CEP128: variants seen among roughly 807,000 people sequenced by gnomAD.
CEP128 encodes centrosomal protein 128.
CEP128 carries 132 observed loss-of-function variants against 156.7 expected under a neutral mutation model. The ratio of observed to expected loss-of-function variants is 0.84; its 90% CI spans 0.73 to 0.97. CEP128 has a LOEUF of 0.97. CEP128 is among the 50% of genes least tolerant of loss of function. The pLI, the probability that CEP128 is intolerant of heterozygous loss-of-function variation, is 0.00. For missense variants in CEP128, 1,252 were observed against 1,281.9 expected (o/e 0.98, Z 0.36); for synonymous variants, 469 against 448.9 (o/e 1.04, Z -0.57).
intron 16 of CEP128, among the ~76,000 whole-genome samples, chr14:80,775,783 C>T (rs1900754296): frequency 6.6e-6 from 1 of 152,256 alleles, no homozygotes; most frequent in Admixed American, 6.5e-5. Flanking sequence ...CGTGATAACA[C>T]ATGCATCTGA....
At chr14:80,890,939 C>T (rs1372380030) in intron 8 of CEP128, among the ~76,000 whole-genome samples, 1 of 151,934 alleles carries the variant, frequency 6.6e-6, no homozygotes, top group East Asian at 1.9e-4. Flanking sequence ...AACAGGTATA[C>T]AAAAAGGTGC....
chr14:80,805,429 T>C (rs1355382089), intron 13 of CEP128, among the ~76,000 whole-genome samples: 2 of 152,146 alleles, frequency 1.3e-5, no homozygotes, highest in Non-Finnish European at 2.9e-5. Context: ...CCTGGAAGCC[T>C]AAGCAGGGCC....
intron 8 of CEP128, among the ~76,000 whole-genome samples, chr14:80,864,571 T>C (rs1321559359): frequency 6.6e-6 from 1 of 152,102 alleles, no homozygotes; most frequent in East Asian, 1.9e-4. Context: ...ATTTTTTTTT[T>C]TTTTTGAGAC....
At chr14:80,696,476 T>C (rs982806779) in intron 19 of CEP128, among the ~76,000 whole-genome samples, 1 of 152,242 alleles carries the variant, frequency 6.6e-6, no homozygotes, top group Admixed American at 6.5e-5. Flanking sequence ...AATCTCTATT[T>C]AGGAAACAAC....
chr14:80,492,206 G>A (rs921803365), downstream of CEP128, among the ~76,000 whole-genome samples: 2 of 152,160 alleles, frequency 1.3e-5, no homozygotes, highest in Admixed American at 1.3e-4. Flanking sequence ...TGATGAAGGT[G>A]ATATGAATAG....
rs538857486 is a variant in CEP128, at chr14:80,849,108, G to A, written c.763-8340C>T. On this transcript the variant is annotated intron_variant, in intron 9 of 24. Coordinates refer to ENST00000555265, the MANE Select transcript of CEP128 (RefSeq NM_152446.5). ...AAAAAAATATTTTTTAAATAGAGCT[G>A]ACAAAATTTAATGATAGACTTGGTG... Among the ~76,000 whole-genome samples the A allele has an allele frequency of 6.6e-5, 10 of 152,220 alleles. No individual in the cohort carries two copies. The South Asian group carries it at 1.2e-3, about 19-fold the overall frequency.
intron 23 of CEP128, among the ~76,000 whole-genome samples, chr14:80,517,138 T>C (rs1040828840): frequency 2.6e-5 from 4 of 152,112 alleles, no homozygotes; most frequent in African/African-American, 9.7e-5. Flanking sequence ...CTTTTTTTTT[T>C]CCTAATCAGT....
downstream of CEP128, among the ~76,000 whole-genome samples, chr14:80,488,650 T>C (rs1185961904): frequency 2.0e-5 from 3 of 152,026 alleles, no homozygotes; most frequent in Non-Finnish European, 4.4e-5. Flanking sequence ...ACCCAAAGGA[T>C]TATAAACCAT....
intron 12 of CEP128, among the ~76,000 whole-genome samples, chr14:80,832,084 G>C (rs111497614): frequency 0.12 from 18,530 of 152,128 alleles, 1,592 homozygotes; most frequent in East Asian, 0.45. Flanking sequence ...TTTTATAAAG[G>C]AGAGTTCCCC....
At chr14:80,497,686 G>A (rs1033313480) in intron 24 of CEP128, 104 bp from the exon 25 acceptor site, 6 of 709,932 alleles carry the variant, frequency 8.5e-6, no homozygotes, top group Admixed American at 5.6e-5. Flanking sequence ...GTATTTGATC[G>A]AGTTTTCTAT....
chr14:80,520,387 C>G (rs1478039362), intron 23 of CEP128, among the ~76,000 whole-genome samples: 1 of 151,832 alleles, frequency 6.6e-6, no homozygotes, highest in African/African-American at 2.4e-5. Flanking sequence ...CCACTGCACT[C>G]CAGCCTGGGT....
At chr14:80,861,498 A>C (rs1017233380) in intron 9 of CEP128, among the ~76,000 whole-genome samples, 1 of 152,092 alleles carries the variant, frequency 6.6e-6, no homozygotes, top group Non-Finnish European at 1.5e-5. Flanking sequence ...CATAACTCCA[A>C]TTATCTGAGT....
intron 19 of CEP128, among the ~76,000 whole-genome samples, chr14:80,647,061 A>AGCG (rs1894680908): frequency 1.6e-5 from 1 of 60,796 alleles, no homozygotes; most frequent in Non-Finnish European, 3.2e-5. Flanking sequence ...ATATATATAT[A>AGCG]TATATATATA....
intron 19 of CEP128, among the ~76,000 whole-genome samples, chr14:80,611,627 T>A (rs1004952589): frequency 2.6e-5 from 4 of 152,260 alleles, no homozygotes; most frequent in Admixed American, 2.0e-4. Flanking sequence ...TGGATAGCAG[T>A]GTCAAAGCTA....
intron 19 of CEP128, among the ~76,000 whole-genome samples, chr14:80,668,613 A>G (rs1895720097): frequency 6.6e-6 from 1 of 152,208 alleles, no homozygotes. Flanking sequence ...GGAAGAGAAT[A>G]AAGGAAATGC....
chr14:80,553,265 C>T (rs897127057), intron 21 of CEP128, among the ~76,000 whole-genome samples: 1 of 152,036 alleles, frequency 6.6e-6, no homozygotes, highest in Admixed American at 6.6e-5. Context: ...CCGACATGCC[C>T]TAGTGTGTGA....
chr14:80,748,725 T>A (rs1160621373), intron 18 of CEP128, among the ~76,000 whole-genome samples: 8 of 152,052 alleles, frequency 5.3e-5, no homozygotes, highest in African/African-American at 1.9e-4. Flanking sequence ...TCAGCTGAGG[T>A]GGGCACAAAG....
chr14:80,664,021 C>T lies in CEP128; in HGVS notation c.2806+79054G>A, dbSNP rs187297233. Among the ~76,000 whole-genome samples the T allele has an allele frequency of 4.6e-5, 7 of 152,360 alleles. No homozygotes were observed. The East Asian group carries it at 1.2e-3, about 25-fold the overall frequency. The stretch of plus-strand genomic sequence containing the variant: ...CCCCCAATATAAATATCACCCATAT[C>T]TGCCCCTGGCAGAAAGATACTAAAT... On this transcript the variant is annotated intron_variant, in intron 19 of 24. Coordinates refer to ENST00000555265, the MANE Select transcript of CEP128 (RefSeq NM_152446.5).
At chr14:80,816,355 G>A (rs1884857528) in intron 13 of CEP128, among the ~76,000 whole-genome samples, 1 of 152,132 alleles carries the variant, frequency 6.6e-6, no homozygotes, top group Admixed American at 6.5e-5. Context: ...TCCATTCCAG[G>A]AAGACAGAGC....
Sources: gnomAD v4.1 joint callset for allele counts (sites outside exome capture counted in the v4.1 genomes callset) on GRCh38, gnomAD v4.1.1 for gene constraint, MANE v1.5 for transcripts, NCBI Gene and HGNC (gene_info 2026-07-23, HGNC 2026-07-21) for gene names.